GLT1D1: variants seen among roughly 807,000 people sequenced by gnomAD.
The protein encoded by GLT1D1 is glycosyltransferase 1 domain-containing protein 1.
Under a neutral mutation model 28.7 loss-of-function variants are expected in GLT1D1, and 21 were observed. The ratio of observed to expected loss-of-function variants is 0.73; its 90% CI spans 0.52 to 1.05. GLT1D1 has a LOEUF of 1.05. Ranked by LOEUF, GLT1D1 falls within the 50% of genes least tolerant of loss-of-function variation. The pLI is 0.00. For missense variants in GLT1D1, 343 were observed against 330.6 expected, an observed-to-expected ratio of 1.04 and a Z score of -0.29; for synonymous variants, 147 against 124.8, an observed-to-expected ratio of 1.18 and a Z score of -1.19.
intron 7 of GLT1D1, among the ~76,000 whole-genome samples, chr12:128,978,074 C>A (rs470556): frequency 1.3e-5 from 2 of 151,570 alleles, no homozygotes; most frequent in South Asian, 4.2e-4. Context: ...CATGAGTCCC[C>A]GCACCCGGCC....
intron 2 of GLT1D1, among the ~76,000 whole-genome samples, chr12:128,881,483 G>A (rs1466989027): frequency 8.0e-6 from 1 of 125,200 alleles, no homozygotes; most frequent in Non-Finnish European, 1.6e-5. Context: ...GCAGTGAGCT[G>A]AGATCATGCC....
intron 2 of GLT1D1, among the ~76,000 whole-genome samples, chr12:128,876,699 C>T (rs1338044874): frequency 6.6e-6 from 1 of 152,152 alleles, no homozygotes; most frequent in African/African-American, 2.4e-5. Flanking sequence ...AGATGTTGTT[C>T]AACCCATCAA....
rs144250828 is a variant in GLT1D1, at chr12:128,869,860, A to T, written c.69-6054A>T. 2.0e-4 allele frequency among the ~76,000 whole-genome samples: 31 copies of T among 151,686 alleles called. No individual in the cohort carries two copies. The East Asian group carries it at 4.7e-3, about 23-fold the overall frequency. On this transcript the variant is annotated intron_variant, in intron 1 of 7. Coordinates refer to ENST00000281703, the MANE Select transcript of GLT1D1 (RefSeq NM_144669.3). ...CTCAATTGACATTTGAGTTCAAGAC[A>T]CTTCCTGATCTAGTCACTTTGCCTG... is the stretch of plus-strand genomic sequence containing the variant.
intron 7 of GLT1D1, among the ~76,000 whole-genome samples, chr12:128,959,942 A>G (rs1174227267): frequency 6.6e-6 from 1 of 152,190 alleles, no homozygotes; most frequent in East Asian, 1.9e-4. Flanking sequence ...GCAATTCCTT[A>G]TAAGTGGATC....
intron 6 of GLT1D1, among the ~76,000 whole-genome samples, chr12:128,956,172 A>AAAAAAAAAAAAAAAAT (rs1877280758): frequency 2.3e-5 from 1 of 43,240 alleles, no homozygotes. Flanking sequence ...AAAAAAAAAA[A>AAAAAAAAAAAAAAAAT]GAGAAAGAGA....
At position 128,970,447 on chromosome 12, in the gene GLT1D1, G is replaced by A. The variant is rs565357294; in HGVS notation, c.640-12482G>A. 2.9e-3 allele frequency among the ~76,000 whole-genome samples: 442 copies of A among 152,338 alleles called. 1 individual carries two copies. The highest frequency in any genetic ancestry group is 5.2e-3 in the Non-Finnish European group (355 of 68,026). Reference sequence around the variant, plus strand: ...GGGTCTTGCCTGGGCTGTTCCAGCAGCCTCCTCCTTCCAGCCCGCCCACTC... The same window carrying A: ...GGGTCTTGCCTGGGCTGTTCCAGCAACCTCCTCCTTCCAGCCCGCCCACTC... On this transcript the variant is annotated intron_variant, in intron 7 of 7. Coordinates refer to ENST00000281703, the MANE Select transcript of GLT1D1 (RefSeq NM_144669.3).
At chr12:128,956,337 A>T (rs1292744264) in intron 6 of GLT1D1, among the ~76,000 whole-genome samples, 1 of 152,054 alleles carries the variant, frequency 6.6e-6, no homozygotes, top group Non-Finnish European at 1.5e-5. Context: ...CTATTTTATA[A>T]TAAAGTGTTG....
At chr12:128,943,730 A>C (rs1875643631) in intron 4 of GLT1D1, among the ~76,000 whole-genome samples, 1 of 152,238 alleles carries the variant, frequency 6.6e-6, no homozygotes, top group South Asian at 2.1e-4. Flanking sequence ...TATGGTTAGC[A>C]TACACATTTC....
chr12:128,901,199 C>A (rs1274933225), intron 4 of GLT1D1, among the ~76,000 whole-genome samples: 4 of 152,180 alleles, frequency 2.6e-5, no homozygotes, highest in Non-Finnish European at 5.9e-5. Context: ...TCACCACCAC[C>A]CACTTAAGCC....
chr12:128,879,002 C>T (rs1479436336), intron 2 of GLT1D1, among the ~76,000 whole-genome samples: 1 of 152,170 alleles, frequency 6.6e-6, no homozygotes, highest in Non-Finnish European at 1.5e-5. Context: ...TCCTTATAGG[C>T]CAAGATGAAG....
chr12:128,853,524 C>G lies in GLT1D1; in HGVS notation c.-58C>G, dbSNP rs1956119015. The G allele has an allele frequency of 9.8e-7, 1 of 1,020,438 alleles. No homozygotes were observed. The allele number at this position is 1,020,438 out of a possible 1,614,324, so 63.2% of individuals were successfully genotyped here. A position where few individuals can be genotyped will look rare whatever the true frequency, so the allele number is the denominator to read the frequency against. The stretch of plus-strand genomic sequence containing the variant: ...CCCCCGCCGTCCGCGTCTGCGCCGG[C>G]CCCGGGGCCTGGTCGGCGGCGGCGG... On this transcript the variant is annotated 5_prime_UTR_variant, in exon 1 of 8. Coordinates refer to ENST00000281703, the MANE Select transcript of GLT1D1 (RefSeq NM_144669.3).
chr12:128,919,951 C>G (rs1274366499), intron 4 of GLT1D1, among the ~76,000 whole-genome samples: 1 of 3,146 alleles, frequency 3.2e-4, no homozygotes, highest in Admixed American at 5.2e-3. Flanking sequence ...ATTTCTCTCT[C>G]TCTCTCTCTC....
intron 4 of GLT1D1, among the ~76,000 whole-genome samples, chr12:128,919,252 A>G (rs1443699329): frequency 6.6e-6 from 1 of 152,226 alleles, no homozygotes; most frequent in Non-Finnish European, 1.5e-5. Context: ...AGCTTCAGAC[A>G]GTGAAAACAG....
intron 4 of GLT1D1, chr12:128,930,567 G>A (rs1873749556): frequency 6.6e-6 from 1 of 152,222 alleles, no homozygotes; most frequent in Non-Finnish European, 1.5e-5. Flanking sequence ...CGTGTGGGAT[G>A]GAAGAAATAC....
intron 6 of GLT1D1, among the ~76,000 whole-genome samples, chr12:128,956,067 G>T (rs1877245051): frequency 6.7e-6 from 1 of 149,626 alleles, no homozygotes; most frequent in African/African-American, 2.5e-5. Context: ...GCTGAGGCAG[G>T]AGAATGGCGT....
intron 2 of GLT1D1, among the ~76,000 whole-genome samples, chr12:128,888,040 A>T (rs1467193823): frequency 6.6e-6 from 1 of 152,164 alleles, no homozygotes; most frequent in Admixed American, 6.5e-5. Context: ...TCCGCACAGG[A>T]CGCGTCACTC....
chr12:128,873,899 TTCTCTTTCTTTC>T (rs997832886), intron 1 of GLT1D1, among the ~76,000 whole-genome samples: 10 of 124,734 alleles, frequency 8.0e-5, no homozygotes, highest in Non-Finnish European at 1.5e-4. Context: ...CTTGCTCCCT[TTCTCTTTCTTTC>T]TCTCTTTCTT....
chr12:128,920,116 G>GT (rs1405818923), intron 4 of GLT1D1, among the ~76,000 whole-genome samples: 2 of 151,944 alleles, frequency 1.3e-5, no homozygotes, highest in African/African-American at 4.8e-5. Flanking sequence ...AAACTCACTT[G>GT]TTTTTTGTAT....
chr12:128,955,179 T>C (rs1877144520), intron 6 of GLT1D1, among the ~76,000 whole-genome samples: 1 of 152,184 alleles, frequency 6.6e-6, no homozygotes, highest in South Asian at 2.1e-4. Flanking sequence ...TGTGATTATC[T>C]GTTTACTTTT....
Sources: gnomAD v4.1 joint callset for allele counts (sites outside exome capture counted in the v4.1 genomes callset) on GRCh38, gnomAD v4.1.1 for gene constraint, MANE v1.5 for transcripts, NCBI Gene and HGNC (gene_info 2026-07-23, HGNC 2026-07-21) for gene names.